The following LRRC4C variants were observed in gnomAD, a reference collection of about 807,000 sequenced individuals.
LRRC4C encodes leucine rich repeat containing 4C, also known as leucine-rich repeat-containing protein 4C.
Under a neutral mutation model 33.6 loss-of-function variants are expected in LRRC4C, and 5 were observed. The observed-to-expected ratio is 0.15, with a 90% CI of 0.08 to 0.31. The LOEUF is 0.31. LRRC4C is among the 10% of genes least tolerant of loss of function. The pLI is 1.00. For missense variants in LRRC4C, 560 were observed against 796.7 expected, an observed-to-expected ratio of 0.70 and a Z score of 3.58; for synonymous variants, 329 against 302.0, an observed-to-expected ratio of 1.09 and a Z score of -0.93.
chr11:40,671,821 A>G (rs1232292392), intron 2 of LRRC4C, among the ~76,000 whole-genome samples: 2 of 152,060 alleles, frequency 1.3e-5, no homozygotes, highest in Non-Finnish European at 2.9e-5. Flanking sequence ...CATCGTGCCT[A>G]TCACTATCTA....
chr11:40,476,339 C>G (rs377016224), intron 3 of LRRC4C, among the ~76,000 whole-genome samples: 2 of 121,576 alleles, frequency 1.6e-5, no homozygotes, highest in Admixed American at 1.9e-4. Flanking sequence ...CATTTTTTTT[C>G]TTCTTTTTTT....
intron 2 of LRRC4C, among the ~76,000 whole-genome samples, chr11:40,816,604 G>T (rs1484479683): frequency 1.3e-5 from 2 of 152,078 alleles, no homozygotes; most frequent in Non-Finnish European, 2.9e-5. Context: ...TTCTTATAGA[G>T]AGTATGATCA....
At chr11:41,385,269 A>G (rs1396595010) in intron 1 of LRRC4C, among the ~76,000 whole-genome samples, 1 of 151,578 alleles carries the variant, frequency 6.6e-6, no homozygotes, top group Non-Finnish European at 1.5e-5. Flanking sequence ...TAATGAATTA[A>G]TATAAAATGT....
intron 3 of LRRC4C, among the ~76,000 whole-genome samples, chr11:40,576,303 G>A (rs1591155515): frequency 1.3e-5 from 2 of 152,166 alleles, no homozygotes; most frequent in East Asian, 3.8e-4. Context: ...CTGACAGATG[G>A]ATCTAATATT....
intron 2 of LRRC4C, among the ~76,000 whole-genome samples, chr11:40,914,880 T>A (rs557692672): frequency 6.6e-6 from 1 of 152,210 alleles, no homozygotes; most frequent in East Asian, 1.9e-4. Context: ...TGTACAAAAA[T>A]CACAAGCATT....
intron 2 of LRRC4C, among the ~76,000 whole-genome samples, chr11:40,725,465 G>A (rs368097898): frequency 1.3e-5 from 2 of 151,142 alleles, no homozygotes; most frequent in East Asian, 2.0e-4. Context: ...GCAGTGAGCC[G>A]AGAATCCACC....
intron 3 of LRRC4C, among the ~76,000 whole-genome samples, chr11:40,525,429 G>A (rs1180099592): frequency 6.6e-6 from 1 of 152,154 alleles, no homozygotes; most frequent in East Asian, 1.9e-4. Flanking sequence ...CTGGGTGACA[G>A]AGAGAGACTT....
chr11:41,330,454 A>C (rs1003824839), intron 1 of LRRC4C, among the ~76,000 whole-genome samples: 4 of 152,236 alleles, frequency 2.6e-5, no homozygotes, highest in African/African-American at 9.6e-5. Context: ...GTTTAAAACT[A>C]TTTACCCAAT....
chr11:40,327,953 T>C (rs928028483), intron 3 of LRRC4C, among the ~76,000 whole-genome samples: 1 of 152,156 alleles, frequency 6.6e-6, no homozygotes, highest in African/African-American at 2.4e-5. Flanking sequence ...GCTTGAGATT[T>C]TTTTAAAGAA....
chr11:41,331,959 G>A (rs2137379679), intron 1 of LRRC4C, among the ~76,000 whole-genome samples: 1 of 152,222 alleles, frequency 6.6e-6, no homozygotes, highest in East Asian at 1.9e-4. Context: ...GCACTCCCAT[G>A]ATAACCCCTT....
chr11:41,214,575 C>CA (rs547167050), intron 1 of LRRC4C, among the ~76,000 whole-genome samples: 5,316 of 34,748 alleles, frequency 0.15, 231 homozygotes, highest in Non-Finnish European at 0.17. Flanking sequence ...ACTAAAAATA[C>CA]AAAAAAAAAA....
intron 1 of LRRC4C, among the ~76,000 whole-genome samples, chr11:41,282,959 GA>G (rs558021403): frequency 2.7e-4 from 41 of 152,140 alleles, no homozygotes; most frequent in African/African-American, 9.4e-4. Context: ...CAACAGGGGA[GA>G]AAAAAATGTT....
At chr11:41,293,592 T>TTTTTA (rs1446829572) in intron 1 of LRRC4C, among the ~76,000 whole-genome samples, 1 of 151,944 alleles carries the variant, frequency 6.6e-6, no homozygotes, top group African/African-American at 2.4e-5. Flanking sequence ...TTTATTTTTA[T>TTTTTA]TTTTATTTTA....
intron 1 of LRRC4C, among the ~76,000 whole-genome samples, chr11:41,023,039 A>G (rs1856092160): frequency 6.6e-6 from 1 of 151,928 alleles, no homozygotes; most frequent in Non-Finnish European, 1.5e-5. Flanking sequence ...TTAACTCTAC[A>G]TTCTAGCTAT....
At chr11:41,406,575 T>C (rs1954242382) in intron 1 of LRRC4C, among the ~76,000 whole-genome samples, 1 of 152,060 alleles carries the variant, frequency 6.6e-6, no homozygotes, top group South Asian at 2.1e-4. Flanking sequence ...ACAGTACATA[T>C]GATCCACCTC....
At chr11:40,748,723 T>C (rs1948546324) in intron 2 of LRRC4C, among the ~76,000 whole-genome samples, 1 of 152,114 alleles carries the variant, frequency 6.6e-6, no homozygotes, top group Non-Finnish European at 1.5e-5. Flanking sequence ...AACTATATGC[T>C]GCCTACTAGA....
intron 1 of LRRC4C, among the ~76,000 whole-genome samples, chr11:41,082,104 A>ATTAG (rs1386600089): frequency 2.6e-5 from 4 of 152,162 alleles, no homozygotes; most frequent in African/African-American, 9.7e-5. Flanking sequence ...TTTGAGCTTG[A>ATTAG]TTAGGCTCTG....
At chr11:41,146,289 C>G (rs1943724075) in intron 1 of LRRC4C, among the ~76,000 whole-genome samples, 1 of 152,182 alleles carries the variant, frequency 6.6e-6, no homozygotes, top group Admixed American at 6.5e-5. Context: ...CCCATCATCT[C>G]TCAAGGTTAA....
At chr11:41,062,087 A>C (rs1024959188) in intron 1 of LRRC4C, among the ~76,000 whole-genome samples, 3 of 152,248 alleles carry the variant, frequency 2.0e-5, no homozygotes, top group Admixed American at 6.5e-5. Flanking sequence ...AAATTTAATG[A>C]AATAAAGTTT....
Sources: gnomAD v4.1 joint callset for allele counts (sites outside exome capture counted in the v4.1 genomes callset) on GRCh38, gnomAD v4.1.1 for gene constraint, MANE v1.5 for transcripts, NCBI Gene and HGNC (gene_info 2026-07-23, HGNC 2026-07-21) for gene names.